The following MYT1L variants were observed in gnomAD, a reference collection of about 807,000 sequenced individuals.
MYT1L encodes the protein myelin transcription factor 1-like protein.
Under a neutral mutation model 126.7 loss-of-function variants are expected in MYT1L, and 12 were observed. The observed-to-expected ratio is 0.09, with a 90% CI of 0.06 to 0.15. The LOEUF (loss-of-function observed/expected upper bound fraction) is 0.15. Among genes scored for constraint, MYT1L ranks in the 10% least tolerant of loss-of-function variants. The pLI, the probability that MYT1L is intolerant of heterozygous loss-of-function variation, is 1.00. For missense variants in MYT1L, 979 were observed against 1,585.2 expected (o/e 0.62, Z 6.49); for synonymous variants, 541 against 604.2 (o/e 0.90, Z 1.53).
intron 2 of MYT1L, among the ~76,000 whole-genome samples, chr2:2,185,840 GGGGA>G (rs2092089796): frequency 1.4e-5 from 2 of 138,598 alleles, no homozygotes; most frequent in African/African-American, 5.6e-5. Context: ...CTTCTGTGAG[GGGGA>G]CGCAGCCGGG....
chr2:1,816,471 G>A (rs10206745), intron 21 of MYT1L: 2,867 of 152,708 alleles, frequency 0.019, 50 homozygotes, highest in Non-Finnish European at 0.03. Context: ...GCCCCCCCAC[G>A]CCACTCACGA....
chr2:1,915,141 G>A (rs1184437622), intron 11 of MYT1L, among the ~76,000 whole-genome samples: 1 of 152,226 alleles, frequency 6.6e-6, no homozygotes, highest in Admixed American at 6.5e-5. Context: ...TCCTGACACA[G>A]TGTGCTGCTG....
At chr2:2,009,405 G>A (rs2063608015) in intron 4 of MYT1L, among the ~76,000 whole-genome samples, 1 of 151,828 alleles carries the variant, frequency 6.6e-6, no homozygotes, top group Non-Finnish European at 1.5e-5. Flanking sequence ...AGTTTTTGGT[G>A]TACATATCAT....
chr2:2,047,062 C>T (rs1053255334), intron 4 of MYT1L, among the ~76,000 whole-genome samples: 11 of 152,136 alleles, frequency 7.2e-5, no homozygotes, highest in South Asian at 2.1e-4. Context: ...TACGCCACTA[C>T]GTTTACCCAT....
chr2:2,021,597 T>C (rs1402639507), intron 4 of MYT1L, among the ~76,000 whole-genome samples: 1 of 152,186 alleles, frequency 6.6e-6, no homozygotes, highest in Admixed American at 6.5e-5. Context: ...CTTGCATTCA[T>C]TAAATGTGTA....
chr2:1,799,285 T>C (rs7577301), intron 23 of MYT1L, among the ~76,000 whole-genome samples: 92,297 of 152,102 alleles, frequency 0.61, 28,296 homozygotes, highest in South Asian at 0.76. Flanking sequence ...GACCTGAGTG[T>C]TTCCTGAGGG....
chr2:2,040,449 C>T (rs573127872), intron 4 of MYT1L, among the ~76,000 whole-genome samples: 15 of 152,306 alleles, frequency 9.8e-5, no homozygotes, highest in African/African-American at 3.6e-4. Flanking sequence ...CAGTGTGAGG[C>T]TCTGGTGCAG....
At chr2:2,292,197 C>G (rs1225140440) in intron 1 of MYT1L, among the ~76,000 whole-genome samples, 2 of 152,174 alleles carry the variant, frequency 1.3e-5, no homozygotes, top group African/African-American at 4.8e-5. Flanking sequence ...TGGGGGCGGG[C>G]GCAGGGGCCT....
Position 1,979,763 on chromosome 2 carries a change from G to T in MYT1L, c.15C>A (p.Thr5=). MEVD[T]EEKRHRTRSK... Reference sequence around the variant, plus strand: ...ACCGCGTGCGATGCCGCTTCTCCTCGGTGTCCACCTCCATCTGGGGATAGA... The same window carrying T: ...ACCGCGTGCGATGCCGCTTCTCCTCTGTGTCCACCTCCATCTGGGGATAGA... The change falls in exon 6 of 25, where the codon ACC becomes ACA. Residue 5 remains threonine, a synonymous_variant. Transcript: ENST00000647738. This position sits in a 1 kb window ranked among gnomAD's most constrained non-coding sequence, Gnocchi z 4.0. 6.2e-7 allele frequency: 1 copy of T among 1,613,902 alleles called. No homozygotes were observed. Among genetic ancestry groups the T allele is most frequent in the Non-Finnish European group, 8.5e-7 (1 of 1,179,888 alleles).
At chr2:2,156,262 A>G (rs2086711653) in intron 3 of MYT1L, among the ~76,000 whole-genome samples, 1 of 152,194 alleles carries the variant, frequency 6.6e-6, no homozygotes, top group Admixed American at 6.5e-5. Flanking sequence ...TCAGAAACCT[A>G]TTGATATTCC....
At chr2:1,882,500 T>C (rs550826626) in intron 18 of MYT1L, among the ~76,000 whole-genome samples, 57 of 152,314 alleles carry the variant, frequency 3.7e-4, no homozygotes, top group African/African-American at 1.2e-3. Flanking sequence ...CACAGCTTTC[T>C]GTCCTAAAAG....
intron 9 of MYT1L, among the ~76,000 whole-genome samples, chr2:1,926,141 G>A (rs779841119): frequency 9.9e-5 from 15 of 152,158 alleles, no homozygotes; most frequent in Admixed American, 3.3e-4. Context: ...TGGGGACGGC[G>A]GGTGAAGATG....
At chr2:2,021,547 T>C (rs1278850416) in intron 4 of MYT1L, among the ~76,000 whole-genome samples, 1 of 152,228 alleles carries the variant, frequency 6.6e-6, no homozygotes, top group African/African-American at 2.4e-5. Flanking sequence ...GGGGCCCTTC[T>C]GATCTTAAGA....
intron 2 of MYT1L, among the ~76,000 whole-genome samples, chr2:2,227,620 AG>A (rs1439845523): frequency 2.0e-5 from 3 of 152,212 alleles, no homozygotes; most frequent in African/African-American, 7.2e-5. Context: ...CTATCTGTTA[AG>A]AAGCTCCTGG....
At chr2:2,014,912 T>C (rs1423766509) in intron 4 of MYT1L, among the ~76,000 whole-genome samples, 1 of 152,242 alleles carries the variant, frequency 6.6e-6, no homozygotes, top group Admixed American at 6.5e-5. Context: ...TGAGTCAGGA[T>C]ACAAGGCTTT....
chr2:2,099,124 G>A (rs1299126929), intron 3 of MYT1L, among the ~76,000 whole-genome samples: 1 of 152,146 alleles, frequency 6.6e-6, no homozygotes, highest in Admixed American at 6.5e-5. Context: ...GGTCTTAAAT[G>A]TATTTCTTTT....
At position 2,212,338 on chromosome 2, in the gene MYT1L, C is replaced by G. The variant is rs373473907; in HGVS notation, c.-420-39350G>C. On this transcript the variant is annotated intron_variant, in intron 2 of 24. Coordinates refer to ENST00000647738, the MANE Select transcript of MYT1L (RefSeq NM_001303052.2). ...GAAATTTTAGGAAGATTGGGTGGTG[C>G]CTAGCTGAGGCTCAGACATAATTTG... 3.7e-4 allele frequency among the ~76,000 whole-genome samples: 57 copies of G among 152,162 alleles called. 1 individual carries two copies. The highest frequency in any genetic ancestry group is 6.8e-3 in the Middle Eastern group (2 of 294).
chr2:2,313,648 A>G (rs1173491126), intron 1 of MYT1L, among the ~76,000 whole-genome samples: 1 of 152,148 alleles, frequency 6.6e-6, no homozygotes, highest in Non-Finnish European at 1.5e-5. Flanking sequence ...GTAAAGTGCC[A>G]AGGGTGTGGC....
intron 11 of MYT1L, among the ~76,000 whole-genome samples, chr2:1,916,035 C>T (rs2052773368): frequency 6.6e-6 from 1 of 152,162 alleles, no homozygotes. Context: ...TCATGTAACA[C>T]ACGGGATTGG....
Sources: gnomAD v4.1 joint callset for allele counts (sites outside exome capture counted in the v4.1 genomes callset) on GRCh38, gnomAD v4.1.1 for gene constraint, Gnocchi (gnomAD v3.1) non-coding constraint, MANE v1.5 for transcripts, NCBI Gene and HGNC (gene_info 2026-07-23, HGNC 2026-07-21) for gene names.